Variants in PLEKHN1 observed in about 807,000 individuals in gnomAD.
PLEKHN1 encodes the protein pleckstrin homology domain-containing family N member 1.
A neutral mutation model predicts 72.8 loss-of-function variants in PLEKHN1; 68 were observed. That is an observed-to-expected ratio of 0.93 (90% confidence interval 0.77 to 1.14). The LOEUF (loss-of-function observed/expected upper bound fraction) is 1.14. Ranked by LOEUF, PLEKHN1 falls within the 50% of genes most tolerant of loss-of-function variation. The pLI is 0.00. For missense variants in PLEKHN1, 1,015 were observed against 840.5 expected (o/e 1.21, Z -2.57); for synonymous variants, 454 against 371.6 (o/e 1.22, Z -2.55).
rs1051978440 is a variant in PLEKHN1 at position 975,402 on chromosome 1, C to G, written c.*827C>G. On this transcript the variant is annotated 3_prime_UTR_variant, in exon 16 of 16. Coordinates refer to ENST00000379410, the MANE Select transcript of PLEKHN1 (RefSeq NM_032129.3). The stretch of plus-strand genomic sequence containing the variant: ...TCCCCAGCTGCCCCACAGGAGCCCC[C>G]GGGACAACCCCAGGAGCCCAGCCCT... The G allele has an allele frequency of 6.6e-6, 1 of 152,370 alleles. No individual in the cohort carries two copies. The highest frequency in any genetic ancestry group is 1.5e-5 in the Non-Finnish European group (1 of 68,080). 9.4% of individuals were successfully genotyped at this position (152,370 alleles called of 1,614,324 possible).
chr1:973,319 T>G lies in PLEKHN1; in HGVS notation c.1286T>G (p.Leu429Arg), dbSNP rs1008573018. 1.7e-5 allele frequency: 27 copies of G among 1,546,450 alleles called. No individual in the cohort carries two copies. Among genetic ancestry groups the G allele is most frequent in the Non-Finnish European group, 2.2e-5 (25 of 1,141,552 alleles). The stretch of plus-strand genomic sequence containing the variant: ...CCTGTCACCCCACTGCACCTGGACC[T>G]GACCCAGGTGGGCCCAGCACACCCA... ...RGPVTPLHLD[L>R]TQLHRLSLES... Residue 429 changes from leucine to arginine, a missense_variant, in exon 12 of 16, where the codon CTG (leucine) becomes CGG (arginine). Transcript: ENST00000379410.
Position 968,870 on chromosome 1 carries a change from G to A in PLEKHN1, c.184-1407G>A, listed in dbSNP as rs72891167. On this transcript the variant is annotated intron_variant, in intron 2 of 15. Transcript: ENST00000379410. ...TCTGATGTGAGGAGACAGTGAGGCC[G>A]GGGCAGCCACAGAGACCCCTCGGGG... is the stretch of plus-strand genomic sequence containing the variant. Among the ~76,000 whole-genome samples, 742 of 152,292 alleles carry A rather than the reference G, an allele frequency of 4.9e-3. 7 individuals carry two copies. Among genetic ancestry groups the A allele is most frequent in the African/African-American group, 0.017 (686 of 41,546 alleles).
Position 974,953 on chromosome 1 carries a change from G to A in PLEKHN1, c.*378G>A, listed in dbSNP as rs974767883. 17 of 265,968 alleles carry A rather than the reference G, an allele frequency of 6.4e-5. No individual in the cohort carries two copies. In the Admixed American group the frequency reaches 6.8e-4, roughly 11 times the overall value. 16.5% of individuals were successfully genotyped at this position (265,968 alleles called of 1,614,324 possible). ...AGAAAGGTCAGCAGGGTCAGAGTATGTGAGGTCAGAGGGCATGAGGGTCAC... is the reference window on the plus strand; with the variant it reads ...AGAAAGGTCAGCAGGGTCAGAGTATATGAGGTCAGAGGGCATGAGGGTCAC... On this transcript the variant is annotated 3_prime_UTR_variant, in exon 16 of 16. Coordinates refer to ENST00000379410, the MANE Select transcript of PLEKHN1 (RefSeq NM_032129.3).
intron 9 of PLEKHN1, 32 bp from the exon 10 acceptor site, chr1:972,256 C>A (rs780817472): frequency 1.2e-6 from 2 of 1,603,312 alleles, no homozygotes; most frequent in Non-Finnish European, 1.7e-6. Context: ...GGTGCACCCC[C>A]CCGCCAGCCC....
In PLEKHN1 at chr1:973,499, G is replaced by A. The variant is rs781207420; in HGVS notation, c.1294-1G>A. On this transcript the variant is annotated splice_acceptor_variant, in intron 12 of 15. Transcript: ENST00000379410. LOFTEE classifies it high-confidence loss of function. ...CCATTTCTCCCACCTCTGCCCTGCAGCTGCACAGGCTGAGCCTGGAGAGCA... is the reference window on the plus strand; with the variant it reads ...CCATTTCTCCCACCTCTGCCCTGCAACTGCACAGGCTGAGCCTGGAGAGCA... 12 of 1,612,562 alleles carry A rather than the reference G, an allele frequency of 7.4e-6. No homozygotes were observed. The highest frequency in any genetic ancestry group is 3.3e-4 in the Middle Eastern group (2 of 6,080).
At position 970,875 on chromosome 1, in the gene PLEKHN1, G is replaced by A. The variant is rs202213782; in HGVS notation, c.485-4G>A. The A allele has an allele frequency of 1.8e-5, 29 of 1,611,408 alleles. No individual in the cohort carries two copies. In the East Asian group the frequency reaches 2.0e-4, roughly 11 times the overall value. ...TGTGTGTGCCCTCTCTGCCCTGCCC[G>A]CAGGCCCACTGCCCGCACCCCTCCT... On this transcript the variant is annotated splice_region_variant and splice_polypyrimidine_tract_variant and intron_variant, in intron 5 of 15. Transcript: ENST00000379410. The surrounding 1 kb of genome is among the most constrained non-coding windows in gnomAD (Gnocchi z 4.2).
chr1:972,767 A>T, intron 10 of PLEKHN1, 94 bp from the exon 11 acceptor site: 2 of 1,415,332 alleles, frequency 1.4e-6, no homozygotes, highest in Non-Finnish European at 9.4e-7. Flanking sequence ...CTTCGTCCCA[A>T]AAAGATAAAA....
intron 12 of PLEKHN1, 79 bp from the exon 13 acceptor site, chr1:973,421 A>C (rs1643442383): frequency 2.9e-5 from 46 of 1,575,372 alleles, no homozygotes; most frequent in Non-Finnish European, 4.0e-5. Flanking sequence ...GGAGCCACCC[A>C]GAGGCCTCTT....
rs146048472 is a variant in PLEKHN1, at chr1:969,811, G to A, written c.184-466G>A. Among the ~76,000 whole-genome samples, 15 of 152,166 alleles carry A rather than the reference G, an allele frequency of 9.9e-5. No homozygotes were observed. The South Asian group carries it at 1.0e-3, about 11-fold the overall frequency. On this transcript the variant is annotated intron_variant, in intron 2 of 15. Coordinates refer to ENST00000379410, the MANE Select transcript of PLEKHN1 (RefSeq NM_032129.3). ...TGCATTTATACATGTGTATGTGTGC[G>A]CATATATGGATGCATGCATGTTGCC...
chr1:971,576 G>T, intron 8 of PLEKHN1, 172 bp downstream of exon 8: 1 of 646,896 alleles, frequency 1.5e-6, no homozygotes, highest in Non-Finnish European at 2.7e-6. Context: ...ACATGGAGGA[G>T]CCCCTGCCCG....
At chr1:973,443 G>T (rs28687780) in intron 12 of PLEKHN1, 57 bp from the exon 13 acceptor site, 1 of 1,595,396 alleles carries the variant, frequency 6.3e-7, no homozygotes, top group Non-Finnish European at 8.5e-7. Flanking sequence ...CACAGAGAAG[G>T]GGTGGCCTAG....
chr1:969,638 G>A (rs1354623487), intron 2 of PLEKHN1, among the ~76,000 whole-genome samples: 3 of 140,830 alleles, frequency 2.1e-5, no homozygotes, highest in Admixed American at 6.8e-5. Flanking sequence ...GTGCAACTGT[G>A]TATGTGTGCA....
intron 2 of PLEKHN1, among the ~76,000 whole-genome samples, chr1:968,599 C>A (rs1273574483): frequency 6.6e-6 from 1 of 152,194 alleles, no homozygotes; most frequent in African/African-American, 2.4e-5. Context: ...CCCATTCCCA[C>A]GGCAGAGACA....
intron 14 of PLEKHN1, 33 bp from the exon 15 acceptor site, chr1:974,283 C>G: frequency 6.2e-7 from 1 of 1,612,872 alleles, no homozygotes; most frequent in Non-Finnish European, 8.5e-7. Flanking sequence ...TGGGGCTGTG[C>G]CCGGCTCTCA....
chr1:972,730 T>C, intron 10 of PLEKHN1, 131 bp from the exon 11 acceptor site: 2 of 1,204,372 alleles, frequency 1.7e-6, no homozygotes, highest in African/African-American at 3.1e-5. Flanking sequence ...CGTGCCACTG[T>C]ACTGCAGCCT....
Position 973,344 on chromosome 1 carries a change from A to G in PLEKHN1, c.1293+18A>G. The G allele has an allele frequency of 1.2e-5, 18 of 1,553,012 alleles. No individual in the cohort carries two copies. The highest frequency in any genetic ancestry group is 1.4e-5 in the Non-Finnish European group (16 of 1,146,016). On this transcript the variant is annotated intron_variant, in intron 12 of 15. Coordinates refer to ENST00000379410, the MANE Select transcript of PLEKHN1 (RefSeq NM_032129.3). ...TGACCCAGGTGGGCCCAGCACACCC[A>G]CACAGCCCCTGGCCTGGTTCCCACC...
At chr1:973,034 C>T (rs28504611) in intron 11 of PLEKHN1, 24 bp downstream of exon 11, 77,047 of 1,584,742 alleles carry the variant, frequency 0.049, 6,943 homozygotes, top group African/African-American at 0.37. Context: ...GGGTGGCAGA[C>T]GAAAGTGGGG....
In PLEKHN1 at chr1:970,732, C is replaced by T. The variant is rs765403798; in HGVS notation, c.458C>T (p.Ser153Phe). 12 of 1,607,520 alleles carry T rather than the reference C, an allele frequency of 7.5e-6. No homozygotes were observed. In the Admixed American group the frequency reaches 1.7e-4, roughly 22 times the overall value. ...TELSVCPLEG[S>F]REHAFQITGP... ...CTGAGTGTCTGCCCGCTCGAGGGGT[C>T]CCGAGAGCACGCCTTCCAGATCACA... Residue 153 changes from serine to phenylalanine, a missense_variant, in exon 5 of 16, where the codon TCC (serine) becomes TTC (phenylalanine). By Grantham distance (155) the Ser-to-Phe change is radical. Transcript: ENST00000379410. The surrounding 1 kb of genome is among the most constrained non-coding windows in gnomAD (Gnocchi z 4.2).
rs756969888 is a variant in PLEKHN1 at position 970,269 on chromosome 1, C to T, written c.184-8C>T. On this transcript the variant is annotated splice_polypyrimidine_tract_variant and splice_region_variant and intron_variant, in intron 2 of 15. Coordinates refer to ENST00000379410, the MANE Select transcript of PLEKHN1 (RefSeq NM_032129.3). This position sits in a 1 kb window ranked among gnomAD's most constrained non-coding sequence, Gnocchi z 4.2. ...GAGGCCCCCTCCCCTGAGCTCTACT[C>T]CTCCTAGGACATCCTGGACCTGGAG... 31 of 1,612,396 alleles carry T rather than the reference C, an allele frequency of 1.9e-5. No individual in the cohort carries two copies. The highest frequency in any genetic ancestry group is 2.3e-5 in the Non-Finnish European group (27 of 1,179,688).
Sources: allele counts gnomAD v4.1 joint callset (sites outside exome capture counted in the v4.1 genomes callset), GRCh38; gene constraint gnomAD v4.1.1; non-coding constraint Gnocchi (gnomAD v3.1); transcripts MANE v1.5; gene names NCBI Gene and HGNC (gene_info 2026-07-23, HGNC 2026-07-21).